The following PCCB variants were observed in gnomAD, a reference collection of about 807,000 sequenced individuals.
PCCB encodes propionyl-CoA carboxylase subunit beta, also known as propionyl-CoA carboxylase beta chain, mitochondrial.
A neutral mutation model predicts 60.7 loss-of-function variants in PCCB; 43 were observed. That is an observed-to-expected ratio of 0.71 (90% confidence interval 0.55 to 0.91). The LOEUF (loss-of-function observed/expected upper bound fraction) is 0.91, where lower values mean the gene tolerates loss of function less well. Among genes scored for constraint, PCCB ranks in the 40% least tolerant of loss-of-function variants. The pLI is 0.00. For synonymous variants in PCCB, 276 were observed against 255.9 expected (o/e 1.08, Z -0.75); for missense variants, 766 against 702.8 (o/e 1.09, Z -1.02).
At chr3:136,268,100 A>ATATATATATATATATATATATATG (rs1942075053) in intron 5 of PCCB, among the ~76,000 whole-genome samples, 4 of 63,612 alleles carry the variant, frequency 6.3e-5, no homozygotes, top group Admixed American at 2.1e-4. Context: ...ATATATATAT[A>ATATATATATATATATATATATATG]TATATATATA....
intron 9 of PCCB, among the ~76,000 whole-genome samples, chr3:136,310,497 G>A (rs1934621410): frequency 6.6e-6 from 1 of 152,172 alleles, no homozygotes; most frequent in Non-Finnish European, 1.5e-5. Flanking sequence ...ACTCTACCCT[G>A]GGTGACAGAG....
intron 5 of PCCB, among the ~76,000 whole-genome samples, chr3:136,270,172 G>A (rs1942156263): frequency 6.6e-6 from 1 of 151,934 alleles, no homozygotes; most frequent in Non-Finnish European, 1.5e-5. Context: ...TAACATTACT[G>A]GTTTTTAGAA....
chr3:136,269,651 C>T (rs919755765), intron 5 of PCCB, among the ~76,000 whole-genome samples: 9 of 151,662 alleles, frequency 5.9e-5, no homozygotes, highest in East Asian at 1.9e-4. Flanking sequence ...TTTGGGAGGC[C>T]GAGGTGGGCA....
chr3:136,262,879 AACC>A (rs1286234942), intron 5 of PCCB, among the ~76,000 whole-genome samples: 6 of 152,146 alleles, frequency 3.9e-5, no homozygotes, highest in Non-Finnish European at 7.4e-5. Context: ...CGTGGTGATA[AACC>A]ACCACATTTT....
chr3:136,250,448 G>A lies in PCCB; in HGVS notation c.73G>A (p.Val25Ile), dbSNP rs968929973. The A allele has an allele frequency of 2.5e-6, 4 of 1,604,364 alleles. No homozygotes were observed. The highest frequency in any genetic ancestry group is 2.7e-5 in the African/African-American group (2 of 74,822). ...TCTGGCGAGCGGTCTCCGCGCCGCG[G>A]TCCGCAGCCTTTGCAGCCAGGCCAC... ...SVLASGLRAA[V>I]RSLCSQATSV... The change falls in exon 1 of 15, where the codon GTC becomes ATC. Residue 25 changes from valine to isoleucine, a missense_variant. Transcript: ENST00000251654.
Position 136,300,023 on chromosome 3 carries a change from C to T in PCCB, c.885-1007C>T, listed in dbSNP as rs115785345. ...ATACCCACACATATGCATGTGTACA[C>T]GCCCACACATGCATATATGCATGCC... On this transcript the variant is annotated intron_variant, in intron 8 of 14. Transcript: ENST00000251654. 7.8e-3 allele frequency among the ~76,000 whole-genome samples: 1,177 copies of T among 151,836 alleles called. 17 individuals are homozygous for T. Among genetic ancestry groups the T allele is most frequent in the African/African-American group, 0.027 (1,135 of 41,358 alleles).
chr3:136,320,496 A>G (rs761994380), intron 10 of PCCB, among the ~76,000 whole-genome samples: 29 of 152,124 alleles, frequency 1.9e-4, no homozygotes, highest in Non-Finnish European at 3.7e-4. Flanking sequence ...CGGATTGTTC[A>G]TTGCTGCTGT....
chr3:136,311,606 C>T (rs533449651), intron 9 of PCCB, among the ~76,000 whole-genome samples: 2 of 152,208 alleles, frequency 1.3e-5, no homozygotes, highest in South Asian at 2.1e-4. Flanking sequence ...TTCCAAAGTG[C>T]TGGGATTTTA....
chr3:136,299,831 T>TATGCATGTGTATGTATATGC (rs1560019243), intron 8 of PCCB, among the ~76,000 whole-genome samples: 5 of 148,872 alleles, frequency 3.4e-5, no homozygotes, highest in Non-Finnish European at 5.9e-5. Context: ...TATGTATGTA[T>TATGCATGTGTATGTATATGC]ATGCATGTGT....
chr3:136,270,754 C>T (rs893667332), intron 5 of PCCB, among the ~76,000 whole-genome samples: 33 of 152,182 alleles, frequency 2.2e-4, no homozygotes, highest in African/African-American at 8.0e-4. Flanking sequence ...GATCCACCTG[C>T]CTTGGCCTCC....
chr3:136,261,169 A>G (rs1484822398), intron 4 of PCCB, among the ~76,000 whole-genome samples: 3 of 152,220 alleles, frequency 2.0e-5, no homozygotes, highest in Non-Finnish European at 4.4e-5. Flanking sequence ...GCTAGAAGGT[A>G]AAGAACAGTG....
At chr3:136,273,417 C>T (rs1048361588) in intron 5 of PCCB, among the ~76,000 whole-genome samples, 5 of 152,060 alleles carry the variant, frequency 3.3e-5, no homozygotes, top group African/African-American at 7.2e-5. Context: ...AGTGGAGTAT[C>T]GAGGTCCCCC....
chr3:136,313,238 T>A (rs568431337), intron 9 of PCCB, among the ~76,000 whole-genome samples: 3 of 152,164 alleles, frequency 2.0e-5, no homozygotes, highest in Non-Finnish European at 2.9e-5. Flanking sequence ...CTTCCCACCA[T>A]ACAAAATTAT....
intron 11 of PCCB, 108 bp downstream of exon 11, chr3:136,327,018 A>G (rs1051880974): frequency 3.6e-6 from 4 of 1,113,056 alleles, no homozygotes; most frequent in South Asian, 1.2e-5. Flanking sequence ...TGACTTCTCC[A>G]TGTATTCTGG....
chr3:136,278,219 C>G (rs1942383183), intron 5 of PCCB, among the ~76,000 whole-genome samples: 1 of 152,146 alleles, frequency 6.6e-6, no homozygotes, highest in African/African-American at 2.4e-5. Context: ...AGGCCTTCCC[C>G]CATGGCCTGG....
In PCCB at chr3:136,293,766, A is replaced by C; in HGVS notation, c.665A>C (p.Tyr222Ser). 1.9e-6 allele frequency: 3 copies of C among 1,608,202 alleles called. No homozygotes were observed. Among genetic ancestry groups the C allele is most frequent in the Non-Finnish European group, 2.6e-6 (3 of 1,174,778 alleles). ...AATCTTTTATTTCAGGACACCTCCTACCTGTTCATCACTGGCCCTGATGTT... is the reference window on the plus strand; with the variant it reads ...AATCTTTTATTTCAGGACACCTCCTCCCTGTTCATCACTGGCCCTGATGTT... ...DFTFMVKDTS[Y>S]LFITGPDVVK... Residue 222 changes from tyrosine (Y) to serine (S), a missense_variant, in exon 7 of 15, where the codon TAC becomes TCC. Coordinates refer to ENST00000251654, the MANE Select transcript of PCCB (RefSeq NM_000532.5).
intron 6 of PCCB, among the ~76,000 whole-genome samples, chr3:136,289,789 C>CTTTTTTTTTTTTTTTTTTTTTTTTTTTTT (rs147625921): frequency 7.1e-6 from 1 of 141,794 alleles, no homozygotes; most frequent in Non-Finnish European, 1.5e-5. Context: ...ACATGTTATA[C>CTTTTTTTTTTTTTTTTTTTTTTTTTTTTT]TTTTTTTTTA....
At chr3:136,301,137 C>A in intron 9 of PCCB, 26 bp downstream of exon 9, 2 of 1,574,456 alleles carry the variant, frequency 1.3e-6, no homozygotes, top group Non-Finnish European at 8.7e-7. Context: ...GTTTGTCTTG[C>A]CTGTCCTAGT....
chr3:136,293,918 T>C, intron 7 of PCCB, 54 bp downstream of exon 7: 3 of 1,044,494 alleles, frequency 2.9e-6, no homozygotes. Flanking sequence ...AAGAGGGCAT[T>C]GCCAAAGAGC....
Sources: gnomAD v4.1 joint callset for allele counts (sites outside exome capture counted in the v4.1 genomes callset) on GRCh38, gnomAD v4.1.1 for gene constraint, MANE v1.5 for transcripts, NCBI Gene and HGNC (gene_info 2026-07-23, HGNC 2026-07-21) for gene names.